CNTN5: variants seen among roughly 807,000 people sequenced by gnomAD.
The protein encoded by CNTN5 is contactin 5.
CNTN5 carries 77 observed loss-of-function variants against 129.1 expected under a neutral mutation model. That is an observed-to-expected ratio of 0.60 (90% CI 0.50 to 0.72). The LOEUF (loss-of-function observed/expected upper bound fraction) is 0.72, where lower values mean the gene tolerates loss of function less well. Among genes scored for constraint, CNTN5 ranks in the 30% least tolerant of loss-of-function variants. The pLI is 0.00. For synonymous variants in CNTN5, 509 were observed against 465.6 expected (o/e 1.09, Z -1.20); for missense variants, 1,478 against 1,328.8 (o/e 1.11, Z -1.75).
At chr11:99,588,070 G>A (rs1012306944) in intron 3 of CNTN5, among the ~76,000 whole-genome samples, 13 of 152,170 alleles carry the variant, frequency 8.5e-5, no homozygotes, top group Non-Finnish European at 1.5e-4. Context: ...CCGGCCGGGC[G>A]CAGTGGCTCA....
At chr11:99,085,744 T>C (rs1865979485) in intron 1 of CNTN5, among the ~76,000 whole-genome samples, 1 of 152,174 alleles carries the variant, frequency 6.6e-6, no homozygotes, top group African/African-American at 2.4e-5. Flanking sequence ...GTAAACACAA[T>C]AATGCTGAAT....
chr11:99,648,319 T>G (rs1952038806), intron 3 of CNTN5, among the ~76,000 whole-genome samples: 1 of 151,826 alleles, frequency 6.6e-6, no homozygotes, highest in Admixed American at 6.6e-5. Flanking sequence ...GTAAAAAATG[T>G]TCAGCATTAC....
chr11:99,220,526 C>A (rs1248107542), intron 1 of CNTN5, among the ~76,000 whole-genome samples: 1 of 151,812 alleles, frequency 6.6e-6, no homozygotes, highest in Admixed American at 6.6e-5. Context: ...AAATTAAAAA[C>A]CACAATTAAA....
intron 3 of CNTN5, among the ~76,000 whole-genome samples, chr11:99,810,618 A>T (rs1319741566): frequency 6.6e-6 from 1 of 152,134 alleles, no homozygotes; most frequent in Non-Finnish European, 1.5e-5. Context: ...AGACAACCAA[A>T]TTGAAATGAT....
At chr11:99,886,492 G>A (rs1948904773) in intron 6 of CNTN5, among the ~76,000 whole-genome samples, 1 of 152,118 alleles carries the variant, frequency 6.6e-6, no homozygotes, top group South Asian at 2.1e-4. Context: ...ACCATTTGAT[G>A]TCTAATAAGT....
At chr11:99,770,077 T>C (rs1212243458) in intron 3 of CNTN5, among the ~76,000 whole-genome samples, 1 of 152,288 alleles carries the variant, frequency 6.6e-6, no homozygotes, top group East Asian at 1.9e-4. Context: ...TTTCTGTTCC[T>C]GGAACAGGAG....
At chr11:99,975,189 TAAG>T (rs1266119829) in intron 8 of CNTN5, among the ~76,000 whole-genome samples, 3 of 152,108 alleles carry the variant, frequency 2.0e-5, no homozygotes, top group Non-Finnish European at 2.9e-5. Context: ...ACAAAAAACA[TAAG>T]AACAGTTTTG....
intron 8 of CNTN5, among the ~76,000 whole-genome samples, chr11:99,985,650 C>A (rs1453585): frequency 2.0e-5 from 3 of 152,184 alleles, no homozygotes; most frequent in Non-Finnish European, 4.4e-5. Flanking sequence ...CACCAGGGAC[C>A]TATCCCTGTC....
chr11:99,920,184 A>G (rs560375884), intron 7 of CNTN5, among the ~76,000 whole-genome samples: 2 of 152,222 alleles, frequency 1.3e-5, no homozygotes, highest in South Asian at 2.1e-4. Context: ...CTTTCTCCAT[A>G]AAACACTATT....
intron 1 of CNTN5, among the ~76,000 whole-genome samples, chr11:99,038,534 G>C (rs1196638766): frequency 2.6e-5 from 4 of 151,960 alleles, no homozygotes; most frequent in Non-Finnish European, 5.9e-5. Flanking sequence ...CTCCTGTCTA[G>C]CTGTAAAATT....
At chr11:99,158,392 T>G (rs1860437145) in intron 1 of CNTN5, among the ~76,000 whole-genome samples, 1 of 152,218 alleles carries the variant, frequency 6.6e-6, no homozygotes, top group Non-Finnish European at 1.5e-5. Context: ...CTTGTTTTGC[T>G]TACCTCTGTT....
chr11:99,174,726 T>C (rs563860183), intron 1 of CNTN5, among the ~76,000 whole-genome samples: 3 of 152,178 alleles, frequency 2.0e-5, no homozygotes, highest in Non-Finnish European at 2.9e-5. Context: ...ATTTATTATT[T>C]AAATACTATC....
At chr11:100,102,557 G>A (rs955293487) in intron 13 of CNTN5, among the ~76,000 whole-genome samples, 7 of 149,214 alleles carry the variant, frequency 4.7e-5, no homozygotes, top group Middle Eastern at 3.4e-3. Context: ...TCAAAAAAAA[G>A]AAGTTTTAAG....
intron 1 of CNTN5, among the ~76,000 whole-genome samples, chr11:99,048,037 G>A (rs2135163749): frequency 6.6e-6 from 1 of 150,942 alleles, no homozygotes; most frequent in Middle Eastern, 3.4e-3. Flanking sequence ...AAATATAATT[G>A]GAAATAAAAT....
At chr11:100,144,254 G>A (rs984409930) in intron 13 of CNTN5, among the ~76,000 whole-genome samples, 5 of 152,018 alleles carry the variant, frequency 3.3e-5, no homozygotes, top group African/African-American at 1.2e-4. Flanking sequence ...GTGGGTACAT[G>A]TGCAGATTTG....
At chr11:100,329,805 AG>A (rs1242400674) in intron 21 of CNTN5, among the ~76,000 whole-genome samples, 1 of 152,214 alleles carries the variant, frequency 6.6e-6, no homozygotes, top group Non-Finnish European at 1.5e-5. Flanking sequence ...AGCACCCCAT[AG>A]GACAAAAGAA....
intron 3 of CNTN5, among the ~76,000 whole-genome samples, chr11:99,769,521 A>C (rs1422688614): frequency 6.6e-5 from 10 of 152,050 alleles, no homozygotes; most frequent in Non-Finnish European, 4.4e-5. Flanking sequence ...TGACTCCCCA[A>C]AATTCAGTAT....
chr11:99,691,625 G>T (rs752104744), intron 3 of CNTN5, among the ~76,000 whole-genome samples: 11 of 152,040 alleles, frequency 7.2e-5, no homozygotes, highest in Admixed American at 5.2e-4. Context: ...TGTTTGTTAT[G>T]ATTTCAGTTC....
intron 6 of CNTN5, among the ~76,000 whole-genome samples, chr11:99,866,387 C>T (rs892357514): frequency 6.6e-6 from 1 of 152,050 alleles, no homozygotes; most frequent in Admixed American, 6.6e-5. Flanking sequence ...TTACCTTGTG[C>T]TTGGAACATT....
Sources: allele counts gnomAD v4.1 joint callset (sites outside exome capture counted in the v4.1 genomes callset), GRCh38; gene constraint gnomAD v4.1.1; transcripts MANE v1.5; gene names NCBI Gene and HGNC (gene_info 2026-07-23, HGNC 2026-07-21).